Variants in DRC7 observed in about 807,000 individuals in gnomAD.
DRC7 encodes dynein regulatory complex subunit 7.
DRC7 carries 80 observed loss-of-function variants against 104.4 expected under a neutral mutation model. The ratio of observed to expected loss-of-function variants is 0.77; its 90% confidence interval spans 0.64 to 0.92. The LOEUF (loss-of-function observed/expected upper bound fraction) is 0.92. Ranked by LOEUF, DRC7 falls within the 40% of genes least tolerant of loss-of-function variation. DRC7 has a pLI of 0.00. For missense variants in DRC7, 1,034 were observed against 1,141.1 expected (o/e 0.91, Z 1.35); for synonymous variants, 405 against 447.3 (o/e 0.91, Z 1.19).
chr16:57,704,703 C>T (rs1034794092), intron 6 of DRC7, among the ~76,000 whole-genome samples, 173 bp from the exon 7 acceptor site: 1 of 152,186 alleles, frequency 6.6e-6, no homozygotes, highest in Admixed American at 6.5e-5. Flanking sequence ...GTGAGAGGAC[C>T]TCCCAAGGTC....
intron 16 of DRC7, among the ~76,000 whole-genome samples, chr16:57,727,715 C>T (rs2048989017): frequency 6.6e-6 from 1 of 152,248 alleles, no homozygotes; most frequent in Non-Finnish European, 1.5e-5. Flanking sequence ...CACCCTGGGC[C>T]AGTGGCCCCA....
At chr16:57,705,961 TCCATCCATCCATCCTCCCACCATCCTC>T (rs1597797499) in intron 7 of DRC7, among the ~76,000 whole-genome samples, 5 of 78,446 alleles carry the variant, frequency 6.4e-5, no homozygotes, top group East Asian at 4.7e-4. Flanking sequence ...CATCCATCCT[TCCATCCATCCATCCTCCCACCATCCTC>T]CCATCCATCC....
rs780812089 is a variant in DRC7 at position 57,724,624 on chromosome 16, A to C, written c.1547A>C (p.Tyr516Ser). The change falls in exon 13 of 19, where the codon TAC (tyrosine) becomes TCC (serine). Residue 516 changes from tyrosine to serine, a missense_variant. Coordinates refer to ENST00000360716, the MANE Select transcript of DRC7 (RefSeq NM_001289162.2). The stretch of plus-strand genomic sequence containing the variant: ...CCCGCTCCCCACCCAGTGCACTCGT[A>C]CAAGTCCATGCAACCTGAGATGGAC... Reference protein sequence around the residue: ...GHPQALRVHSYKSMQPEMDRV... With the variant: ...GHPQALRVHSSKSMQPEMDRV... The C allele has an allele frequency of 5.0e-5, 80 of 1,611,678 alleles. No homozygotes were observed. The highest frequency in any genetic ancestry group is 6.5e-5 in the Non-Finnish European group (77 of 1,178,318).
At chr16:57,705,785 CCCAT>C (rs1196347950) in intron 7 of DRC7, among the ~76,000 whole-genome samples, 2 of 134,030 alleles carry the variant, frequency 1.5e-5, no homozygotes, top group Non-Finnish European at 3.1e-5. Flanking sequence ...CATCCATCCT[CCCAT>C]CCATCCATCC....
At position 57,698,778 on chromosome 16, in the gene DRC7, G is replaced by A. The variant is rs1344827552; in HGVS notation, c.204-72G>A. On this transcript the variant is annotated intron_variant, in intron 3 of 18. Transcript: ENST00000360716. The stretch of plus-strand genomic sequence containing the variant: ...TAAATGAGGAAGGGGTAGAGCCAAT[G>A]GCAACTCAGTGGAACCAGGGCTCCT... 11 of 1,491,012 alleles carry A rather than the reference G, an allele frequency of 7.4e-6. No homozygotes were observed. The East Asian group carries it at 2.3e-4, about 31-fold the overall frequency. The allele number at this position is 1,491,012 out of a possible 1,614,324, so 92.4% of individuals were successfully genotyped here. A position where few individuals can be genotyped will look rare whatever the true frequency, so the allele number is the denominator to read the frequency against.
rs1489685898 is a variant in DRC7, at chr16:57,726,102, A to G, written c.1793A>G (p.Lys598Arg). The G allele has an allele frequency of 6.2e-7, 1 of 1,613,342 alleles. No homozygotes were observed. Among genetic ancestry groups the G allele is most frequent in the Non-Finnish European group, 8.5e-7 (1 of 1,180,004 alleles). The change falls in exon 14 of 19, where the codon AAG becomes AGG. Residue 598 changes from lysine to arginine, a missense_variant. Physicochemically the swap from Lys to Arg is conservative, Grantham distance 26. Coordinates refer to ENST00000360716, the MANE Select transcript of DRC7 (RefSeq NM_001289162.2). ...ITERFFRNPA[K>R]PAEEDVAERV... ...GAGCGGTTCTTCCGCAACCCAGCGA[A>G]GCCCGCGGAGGAGGACGTGGCAGAG... is the stretch of plus-strand genomic sequence containing the variant.
At position 57,731,205 on chromosome 16, in the gene DRC7, G is replaced by A. The variant is rs757284736; in HGVS notation, c.2572G>A (p.Glu858Lys). The A allele has an allele frequency of 3.1e-6, 5 of 1,613,892 alleles. No homozygotes were observed. The South Asian group carries it at 4.4e-5, about 14-fold the overall frequency. ...CCCACTGAAGTACCTGGCTCTGGAG[G>A]AAAAGCTCTACAAGGACCCACGCCT... ...LAPLKYLALE[E>K]KLYKDPRLGE... Residue 858 changes from glutamate (E) to lysine (K), a missense_variant, in exon 19 of 19, where the codon GAA (glutamate) becomes AAA (lysine). Physicochemically the swap from Glu to Lys is moderately conservative, Grantham distance 56. Transcript: ENST00000360716.
chr16:57,704,611 T>A (rs528933398), intron 6 of DRC7, among the ~76,000 whole-genome samples: 1 of 152,272 alleles, frequency 6.6e-6, no homozygotes, highest in Non-Finnish European at 1.5e-5. Context: ...CCCTCGGGCA[T>A]TTTTTCTGTC....
chr16:57,726,244 C>G lies in DRC7; in HGVS notation c.1935C>G (p.Asn645Lys), dbSNP rs754091701. 6.2e-7 allele frequency: 1 copy of G among 1,612,752 alleles called. No homozygotes were observed. Among genetic ancestry groups the G allele is most frequent in the Non-Finnish European group, 8.5e-7 (1 of 1,179,762 alleles). ...LRRTEVDSKG[N>K]KIIMTPDMCI... is the part of the protein sequence containing the mutation. ...GCACCGAGGTGGACAGCAAAGGCAACAAGATCATCATGACGCCCGACATGT... is the reference window on the plus strand; with the variant it reads ...GCACCGAGGTGGACAGCAAAGGCAAGAAGATCATCATGACGCCCGACATGT... Residue 645 changes from asparagine to lysine, a missense_variant, in exon 14 of 19, where the codon AAC (asparagine) becomes AAG (lysine). Transcript: ENST00000360716.
In DRC7 at chr16:57,701,606, G is replaced by C. The variant is rs1377779998; in HGVS notation, c.505-330G>C. The C allele has an allele frequency of 5.8e-5, 13 of 223,126 alleles. No homozygotes were observed. The South Asian group carries it at 7.4e-4, about 13-fold the overall frequency. The allele number at this position is 223,126 out of a possible 1,614,324, so 13.8% of individuals were successfully genotyped here. On this transcript the variant is annotated intron_variant, in intron 5 of 18. Transcript: ENST00000360716. ...ATAAAGGGAGGAGGAGGAAAGGTGG[G>C]TATCGAAGGAAGGGGGAGCATTGGA...
At chr16:57,717,427 G>C (rs188305162) in intron 8 of DRC7, among the ~76,000 whole-genome samples, 1 of 149,946 alleles carries the variant, frequency 6.7e-6, no homozygotes, top group Non-Finnish European at 1.5e-5. Flanking sequence ...GGCCAGGCAC[G>C]GTGCCTCATG....
In DRC7 at chr16:57,715,666, A is replaced by G. The variant is rs145681204; in HGVS notation, c.1078-2681A>G. On this transcript the variant is annotated intron_variant, in intron 8 of 18. Coordinates refer to ENST00000360716, the MANE Select transcript of DRC7 (RefSeq NM_001289162.2). The stretch of plus-strand genomic sequence containing the variant: ...TATTGTTGCTCCCATCTTACAGGTA[A>G]GGAAACTGAGGCCAAGTAAAGTGAG... Among the ~76,000 whole-genome samples the G allele has an allele frequency of 5.0e-3, 769 of 152,328 alleles. 7 individuals carry two copies. Among genetic ancestry groups the G allele is most frequent in the African/African-American group, 0.016 (663 of 41,566 alleles).
intron 10 of DRC7, 93 bp from the exon 11 acceptor site, chr16:57,722,620 A>C: frequency 1.3e-6 from 2 of 1,539,358 alleles, no homozygotes; most frequent in Non-Finnish European, 1.8e-6. Flanking sequence ...CAGTACACAG[A>C]GAACGGGCAG....
intron 16 of DRC7, 60 bp downstream of exon 16, chr16:57,727,469 T>G: frequency 7.9e-7 from 1 of 1,263,360 alleles, no homozygotes; most frequent in Non-Finnish European, 1.2e-6. Context: ...GTCTCCAGGG[T>G]GGTGGGGACC....
intron 9 of DRC7, among the ~76,000 whole-genome samples, chr16:57,719,499 C>T (rs963524833): frequency 3.9e-5 from 6 of 152,070 alleles, no homozygotes; most frequent in Admixed American, 1.3e-4. Flanking sequence ...CTTATAAGGA[C>T]ACCAGTCATT....
At chr16:57,718,270 C>A in intron 8 of DRC7, 77 bp from the exon 9 acceptor site, 1 of 1,552,256 alleles carries the variant, frequency 6.4e-7, no homozygotes, top group South Asian at 1.2e-5. Context: ...GAGTAGCCAT[C>A]TCCCAACTCC....
At chr16:57,715,814 C>T (rs1464916769) in intron 8 of DRC7, among the ~76,000 whole-genome samples, 2 of 152,170 alleles carry the variant, frequency 1.3e-5, no homozygotes, top group Non-Finnish European at 2.9e-5. Flanking sequence ...GAGGATGCTA[C>T]AGTCCTTCAG....
chr16:57,725,885 G>A (rs2048956525), intron 13 of DRC7, 183 bp from the exon 14 acceptor site: 3 of 614,024 alleles, frequency 4.9e-6, no homozygotes, highest in East Asian at 2.8e-5. Context: ...GGAGTGGAGT[G>A]GCCTGGCCCT....
intron 3 of DRC7, 137 bp downstream of exon 3, chr16:57,698,289 C>A: frequency 1.5e-6 from 2 of 1,348,826 alleles, no homozygotes; most frequent in South Asian, 1.4e-5. Context: ...AGGCTTTCTG[C>A]TTTCAAATGG....
Sources: allele counts gnomAD v4.1 joint callset (sites outside exome capture counted in the v4.1 genomes callset), GRCh38; gene constraint gnomAD v4.1.1; transcripts MANE v1.5; gene names NCBI Gene and HGNC (gene_info 2026-07-23, HGNC 2026-07-21).